The following FAM163A variants were observed in gnomAD, a reference collection of about 807,000 sequenced individuals.
FAM163A encodes protein FAM163A.
In FAM163A, 7 loss-of-function variants were observed where a neutral mutation model predicts 12.0. The ratio of observed to expected loss-of-function variants is 0.58; its 90% CI spans 0.33 to 1.10. The LOEUF (loss-of-function observed/expected upper bound fraction) is 1.10. Ranked by LOEUF, FAM163A falls within the 50% of genes least tolerant of loss-of-function variation. The pLI is 0.03. For synonymous variants in FAM163A, 101 were observed against 91.0 expected (o/e 1.11, Z -0.62); for missense variants, 202 against 218.6 (o/e 0.92, Z 0.48).
At chr1:179,745,829 C>G (rs1469487913) in intron 1 of FAM163A, among the ~76,000 whole-genome samples, 2 of 152,184 alleles carry the variant, frequency 1.3e-5, no homozygotes, top group Non-Finnish European at 2.9e-5. Context: ...GCCCAGGTCT[C>G]TTTGGTTCCA....
the FAM163A span, among the ~76,000 whole-genome samples, chr1:179,730,812 A>T: frequency 6.6e-6 from 1 of 152,212 alleles, no homozygotes; most frequent in Non-Finnish European, 1.5e-5. Context: ...TGAAAACTAC[A>T]TGAGCAACAA....
the FAM163A span, among the ~76,000 whole-genome samples, chr1:179,735,931 G>A: frequency 6.6e-6 from 1 of 152,226 alleles, no homozygotes; most frequent in Non-Finnish European, 1.5e-5. Context: ...ATGGGAAAAG[G>A]AGAGTCTCTT....
rs768474510 is a variant in FAM163A, at chr1:179,813,881, A to C, written c.196A>C (p.Ser66Arg). Residue 66 changes from serine to arginine, a missense_variant, in exon 5 of 5, where the codon AGC becomes CGC. Physicochemically the swap from Ser to Arg is moderately radical, Grantham distance 110. Coordinates refer to ENST00000341785, the MANE Select transcript of FAM163A (RefSeq NM_173509.3). Reference protein sequence around the residue: ...HPRGPTCNACSSQALDGRGSL... With the variant: ...HPRGPTCNACRSQALDGRGSL... ...CAGAGGCCCCACCTGCAATGCCTGCAGCTCCCAAGCCCTGGACGGCAGAGG... is the reference window on the plus strand; with the variant it reads ...CAGAGGCCCCACCTGCAATGCCTGCCGCTCCCAAGCCCTGGACGGCAGAGG... 1 of 1,613,994 alleles carries C rather than the reference A, an allele frequency of 6.2e-7. No homozygotes were observed. Among genetic ancestry groups the C allele is most frequent in the South Asian group, 1.1e-5 (1 of 91,084 alleles).
At chr1:179,804,523 T>G (rs1056533343) in intron 1 of FAM163A, among the ~76,000 whole-genome samples, 3 of 152,240 alleles carry the variant, frequency 2.0e-5, no homozygotes, top group Non-Finnish European at 4.4e-5. Flanking sequence ...ACTGCAGCAC[T>G]GTTTACAATA....
At chr1:179,787,589 C>T (rs1018054526) in intron 1 of FAM163A, among the ~76,000 whole-genome samples, 11 of 152,194 alleles carry the variant, frequency 7.2e-5, no homozygotes, top group South Asian at 2.1e-4. Context: ...AGGAGCCTTG[C>T]GTGAGGAGTA....
chr1:179,771,222 G>A (rs1464859561), intron 1 of FAM163A, among the ~76,000 whole-genome samples: 1 of 152,136 alleles, frequency 6.6e-6, no homozygotes, highest in African/African-American at 2.4e-5. Context: ...CCCCAGTGGA[G>A]GTTCCAAGAC....
intron 1 of FAM163A, among the ~76,000 whole-genome samples, chr1:179,748,617 A>G (rs1684841259): frequency 1.3e-5 from 2 of 152,198 alleles, no homozygotes; most frequent in South Asian, 4.1e-4. Flanking sequence ...CAGACTAAAG[A>G]AGCAAACACT....
At chr1:179,786,917 A>T (rs1690711044) in intron 1 of FAM163A, among the ~76,000 whole-genome samples, 1 of 152,150 alleles carries the variant, frequency 6.6e-6, no homozygotes, top group Non-Finnish European at 1.5e-5. Flanking sequence ...TGGCTGACAA[A>T]GCAGGGTGCC....
At chr1:179,799,363 C>T (rs1356350423) in intron 1 of FAM163A, among the ~76,000 whole-genome samples, 3 of 152,230 alleles carry the variant, frequency 2.0e-5, no homozygotes, top group African/African-American at 7.2e-5. Flanking sequence ...CCTCATGCCT[C>T]CTGTGAATGG....
intron 1 of FAM163A, among the ~76,000 whole-genome samples, chr1:179,763,663 A>G (rs1395160931): frequency 1.3e-5 from 2 of 152,240 alleles, no homozygotes; most frequent in Non-Finnish European, 2.9e-5. Context: ...GAGAAAGGGC[A>G]TAGGAGACTT....
At chr1:179,803,573 T>A (rs534911630) in intron 1 of FAM163A, among the ~76,000 whole-genome samples, 2 of 152,096 alleles carry the variant, frequency 1.3e-5, no homozygotes, top group Admixed American at 6.5e-5. Context: ...ATTTTTTTTT[T>A]ATTTTTTATT....
At chr1:179,742,394 G>A (rs890042195), upstream of FAM163A, 1 of 152,208 alleles carries the variant, frequency 6.6e-6, no homozygotes, top group African/African-American at 2.4e-5. Context: ...TGTTGATGTA[G>A]TGGGAACGCT....
the FAM163A span, among the ~76,000 whole-genome samples, chr1:179,731,662 G>C: frequency 6.6e-6 from 1 of 152,154 alleles, no homozygotes; most frequent in Admixed American, 6.5e-5. Context: ...GCAAGACTAA[G>C]CATTGCCAAA....
the FAM163A span, chr1:179,730,316 C>T: frequency 6.6e-6 from 1 of 152,194 alleles, no homozygotes; most frequent in Non-Finnish European, 1.5e-5. Flanking sequence ...GGAGGAGAAC[C>T]CCCGATCCCC....
intron 1 of FAM163A, among the ~76,000 whole-genome samples, chr1:179,805,774 G>A (rs1456239152): frequency 6.6e-6 from 1 of 152,118 alleles, no homozygotes; most frequent in Non-Finnish European, 1.5e-5. Context: ...GTTCTTACTG[G>A]TTAGAGAGCT....
intron 1 of FAM163A, among the ~76,000 whole-genome samples, chr1:179,744,700 ACT>A (rs796620991): frequency 6.6e-6 from 1 of 152,022 alleles, no homozygotes; most frequent in South Asian, 2.1e-4. Context: ...GCCCGCAGGC[ACT>A]TTCTCCTGTC....
chr1:179,732,197 T>C, the FAM163A span, among the ~76,000 whole-genome samples: 2 of 152,376 alleles, frequency 1.3e-5, no homozygotes, highest in Non-Finnish European at 2.9e-5. Flanking sequence ...GTTTCAAATC[T>C]GAATAAGAAA....
intron 1 of FAM163A, among the ~76,000 whole-genome samples, chr1:179,753,136 T>G (rs1685518388): frequency 6.6e-6 from 1 of 152,188 alleles, no homozygotes. Flanking sequence ...ATTCAGCCTT[T>G]AAAAAGAAGG....
At position 179,764,882 on chromosome 1, in the gene FAM163A, G is replaced by GAATTTAT. The variant is rs575006684; in HGVS notation, c.-136+21463_-136+21464insTATAATT. Among the ~76,000 whole-genome samples, 7 of 152,262 alleles carry GAATTTAT rather than the reference G, an allele frequency of 4.6e-5. No homozygotes were observed. The South Asian group carries it at 1.4e-3, about 32-fold the overall frequency. ...TCTGTACCTCAGGAGGTTGCTGTGTGAATTATATAAAGCCATACGTGAAAT... is the reference window on the plus strand; with the variant it reads ...TCTGTACCTCAGGAGGTTGCTGTGTGAATTTATAATTATATAAAGCCATACGTGAAAT... On this transcript the variant is annotated intron_variant, in intron 1 of 4. Coordinates refer to ENST00000341785, the MANE Select transcript of FAM163A (RefSeq NM_173509.3).
Sources: allele counts gnomAD v4.1 joint callset (sites outside exome capture counted in the v4.1 genomes callset), GRCh38; gene constraint gnomAD v4.1.1; transcripts MANE v1.5; gene names NCBI Gene and HGNC (gene_info 2026-07-23, HGNC 2026-07-21).